Variants in CSMD1 observed in about 807,000 individuals in gnomAD.
CSMD1 encodes the protein CUB and Sushi multiple domains 1.
A neutral mutation model predicts 417.5 loss-of-function variants in CSMD1; 213 were observed. The ratio of observed to expected loss-of-function variants is 0.51; its 90% confidence interval spans 0.46 to 0.57. The LOEUF (loss-of-function observed/expected upper bound fraction) is 0.57, where lower values mean the gene tolerates loss of function less well. CSMD1 is among the 20% of genes least tolerant of loss of function. The pLI, the probability that CSMD1 is intolerant of heterozygous loss-of-function variation, is 0.00. For synonymous variants in CSMD1, 2,862 were observed against 1,736.8 expected, an observed-to-expected ratio of 1.65 and a Z score of -16.11; for missense variants, 6,923 against 4,529.7, an observed-to-expected ratio of 1.53 and a Z score of -15.17.
chr8:4,605,998 T>C (rs913563874), intron 2 of CSMD1, among the ~76,000 whole-genome samples: 2 of 152,112 alleles, frequency 1.3e-5, no homozygotes, highest in Non-Finnish European at 2.9e-5. Flanking sequence ...CCTTATGAAA[T>C]ATGGAGCCCA....
intron 1 of CSMD1, among the ~76,000 whole-genome samples, chr8:4,827,968 G>A (rs1371587488): frequency 6.6e-6 from 1 of 152,110 alleles, no homozygotes; most frequent in Non-Finnish European, 1.5e-5. Flanking sequence ...CTAAAACTTA[G>A]AATTTTAACC....
intron 2 of CSMD1, among the ~76,000 whole-genome samples, chr8:4,579,591 T>C (rs905714833): frequency 6.6e-6 from 1 of 152,022 alleles, no homozygotes; most frequent in Non-Finnish European, 1.5e-5. Flanking sequence ...CTCGAGATCC[T>C]CACCTCATGA....
At chr8:4,871,658 G>C (rs1275726483) in intron 1 of CSMD1, among the ~76,000 whole-genome samples, 1 of 151,940 alleles carries the variant, frequency 6.6e-6, no homozygotes, top group African/African-American at 2.4e-5. Flanking sequence ...TCTTCTTTAG[G>C]AACTATATCA....
At chr8:4,336,679 C>G (rs539008229) in intron 3 of CSMD1, among the ~76,000 whole-genome samples, 3 of 152,056 alleles carry the variant, frequency 2.0e-5, no homozygotes, top group Non-Finnish European at 4.4e-5. Context: ...TGACATAGTC[C>G]TTCGAAGACA....
At chr8:3,038,789 G>A (rs1011016519) in intron 50 of CSMD1, among the ~76,000 whole-genome samples, 3 of 152,052 alleles carry the variant, frequency 2.0e-5, no homozygotes, top group African/African-American at 7.2e-5. Flanking sequence ...ATACTCAAGC[G>A]TAATTTGTTG....
At chr8:4,186,882 G>C (rs11775154) in intron 3 of CSMD1, among the ~76,000 whole-genome samples, 125,836 of 150,814 alleles carry the variant, frequency 0.83, 52,708 homozygotes, top group South Asian at 0.94. Context: ...TGTAGTCCCA[G>C]CTACTCGGGA....
intron 10 of CSMD1, among the ~76,000 whole-genome samples, chr8:3,502,166 C>G (rs1796629338): frequency 6.6e-6 from 1 of 151,434 alleles, no homozygotes; most frequent in Non-Finnish European, 1.5e-5. Flanking sequence ...AGATCGAGAC[C>G]ATACTGGCTA....
intron 10 of CSMD1, among the ~76,000 whole-genome samples, chr8:3,522,312 G>A (rs544011283): frequency 2.0e-5 from 3 of 152,136 alleles, no homozygotes; most frequent in African/African-American, 4.8e-5. Flanking sequence ...AGAAAAAAGA[G>A]GAGAGGAAAT....
chr8:4,653,676 G>A (rs958388308), intron 1 of CSMD1, among the ~76,000 whole-genome samples: 1 of 152,046 alleles, frequency 6.6e-6, no homozygotes, highest in Non-Finnish European at 1.5e-5. Flanking sequence ...GAGTTAAGTT[G>A]CCCCAGGCTG....
chr8:4,070,080 C>T (rs939882807), intron 3 of CSMD1, among the ~76,000 whole-genome samples: 6 of 151,790 alleles, frequency 4.0e-5, no homozygotes, highest in Non-Finnish European at 8.8e-5. Context: ...AGTGTTTGCT[C>T]TTGGAATTAA....
At chr8:4,159,636 T>C (rs1457888071) in intron 3 of CSMD1, among the ~76,000 whole-genome samples, 2 of 152,194 alleles carry the variant, frequency 1.3e-5, no homozygotes, top group Non-Finnish European at 2.9e-5. Flanking sequence ...TCGCCCAGGC[T>C]GGAGCACAGT....
At chr8:4,264,713 T>C (rs73500615) in intron 3 of CSMD1, among the ~76,000 whole-genome samples, 12,811 of 152,134 alleles carry the variant, frequency 0.084, 632 homozygotes, top group East Asian at 0.14. Flanking sequence ...AAACAAACAC[T>C]GATTAACTGC....
intron 1 of CSMD1, among the ~76,000 whole-genome samples, chr8:4,805,174 T>C (rs527794624): frequency 6.6e-6 from 1 of 152,324 alleles, no homozygotes; most frequent in African/African-American, 2.4e-5. Flanking sequence ...GTCAGTTTAC[T>C]CGTTTGTATA....
chr8:4,172,905 G>A (rs1332162595), intron 3 of CSMD1, among the ~76,000 whole-genome samples: 2 of 152,114 alleles, frequency 1.3e-5, no homozygotes, highest in Admixed American at 1.3e-4. Flanking sequence ...AGTTGAGTCT[G>A]AGTCCCAGCA....
chr8:3,845,425 T>C (rs778862839), intron 5 of CSMD1, among the ~76,000 whole-genome samples: 19 of 152,136 alleles, frequency 1.2e-4, no homozygotes, highest in Admixed American at 2.6e-4. Flanking sequence ...TAGATATCTA[T>C]GTATCTAAGC....
chr8:3,727,889 C>G (rs750966683), intron 6 of CSMD1, among the ~76,000 whole-genome samples: 1 of 152,064 alleles, frequency 6.6e-6, no homozygotes, highest in African/African-American at 2.4e-5. Context: ...ATGATTTCAT[C>G]GATAATTAGA....
At chr8:3,749,055 C>A (rs1448407295) in intron 6 of CSMD1, among the ~76,000 whole-genome samples, 1 of 152,128 alleles carries the variant, frequency 6.6e-6, no homozygotes, top group Non-Finnish European at 1.5e-5. Flanking sequence ...GAGCCCAACA[C>A]TTAGATGACT....
At chr8:4,317,585 GAGAGAGAGA>G (rs1375359147) in intron 3 of CSMD1, among the ~76,000 whole-genome samples, 4 of 151,324 alleles carry the variant, frequency 2.6e-5, no homozygotes, top group Non-Finnish European at 5.9e-5. Flanking sequence ...CAGTACTCAA[GAGAGAGAGA>G]GGAGAGAGGG....
chr8:4,323,712 G>C (rs1263179107), intron 3 of CSMD1, among the ~76,000 whole-genome samples: 1 of 151,898 alleles, frequency 6.6e-6, no homozygotes, highest in Non-Finnish European at 1.5e-5. Flanking sequence ...AGGAAGCCGA[G>C]AGGGTATGAT....
Sources: allele counts gnomAD v4.1 joint callset (sites outside exome capture counted in the v4.1 genomes callset), GRCh38; gene constraint gnomAD v4.1.1; transcripts MANE v1.5; gene names NCBI Gene and HGNC (gene_info 2026-07-23, HGNC 2026-07-21).